NRXN1: variants seen among roughly 807,000 people sequenced by gnomAD.
The protein encoded by NRXN1 is neurexin 1.
In NRXN1, 39 loss-of-function variants were observed where a neutral mutation model predicts 150.9. The ratio of observed to expected loss-of-function variants is 0.26; its 90% CI spans 0.20 to 0.34. NRXN1 has a LOEUF of 0.34. Ranked by LOEUF, NRXN1 falls within the 10% of genes least tolerant of loss-of-function variation. NRXN1 has a pLI of 1.00. For missense variants in NRXN1, 1,815 were observed against 1,949.9 expected (o/e 0.93, Z 1.30); for synonymous variants, 924 against 757.0 (o/e 1.22, Z -3.62).
chr2:50,383,054 T>C (rs1266303419), intron 17 of NRXN1, among the ~76,000 whole-genome samples: 1 of 152,194 alleles, frequency 6.6e-6, no homozygotes, highest in Non-Finnish European at 1.5e-5. Context: ...AGCAACTTGA[T>C]CGTAAATAAT....
intron 18 of NRXN1, among the ~76,000 whole-genome samples, chr2:50,119,525 T>C (rs1431984840): frequency 1.3e-5 from 2 of 149,962 alleles, no homozygotes; most frequent in East Asian, 2.0e-4. Flanking sequence ...AAAACCTTAC[T>C]GTAAACAGGG....
intron 18 of NRXN1, among the ~76,000 whole-genome samples, chr2:50,100,630 T>C (rs189309134): frequency 1.9e-4 from 29 of 152,192 alleles, no homozygotes; most frequent in Non-Finnish European, 2.9e-4. Flanking sequence ...TACAGACATA[T>C]CATCAAGCCT....
At chr2:50,928,294 G>A (rs2104361885) in intron 2 of NRXN1, among the ~76,000 whole-genome samples, 1 of 152,046 alleles carries the variant, frequency 6.6e-6, no homozygotes, top group East Asian at 1.9e-4. Context: ...TGATGATGAA[G>A]ACAACTGGCT....
intron 17 of NRXN1, among the ~76,000 whole-genome samples, chr2:50,313,491 A>C (rs1196549239): frequency 6.6e-6 from 1 of 152,134 alleles, no homozygotes; most frequent in African/African-American, 2.4e-5. Flanking sequence ...TGAGCCCTGA[A>C]GTCATTTACC....
chr2:50,324,346 A>G (rs762598215), intron 17 of NRXN1, among the ~76,000 whole-genome samples: 5 of 152,220 alleles, frequency 3.3e-5, no homozygotes, highest in Non-Finnish European at 7.3e-5. Flanking sequence ...TAATGACCCA[A>G]TAAATGAAGA....
intron 17 of NRXN1, among the ~76,000 whole-genome samples, chr2:50,461,754 A>C (rs966153718): frequency 2.6e-5 from 4 of 152,012 alleles, no homozygotes; most frequent in Non-Finnish European, 5.9e-5. Flanking sequence ...AAGAGGGAAA[A>C]ATAATGTCAA....
At chr2:50,259,041 G>T (rs1356027236) in intron 17 of NRXN1, among the ~76,000 whole-genome samples, 4 of 151,936 alleles carry the variant, frequency 2.6e-5, no homozygotes, top group African/African-American at 9.7e-5. Context: ...AAGGACCCTA[G>T]GATTTTTAGA....
At chr2:50,635,245 C>T (rs1056702414) in intron 5 of NRXN1, among the ~76,000 whole-genome samples, 58 of 152,040 alleles carry the variant, frequency 3.8e-4, no homozygotes, top group Admixed American at 1.4e-3. Context: ...GCAACCTCCA[C>T]CTCCCGGGTT....
At chr2:50,050,122 T>C (rs983396512) in intron 21 of NRXN1, among the ~76,000 whole-genome samples, 1 of 151,260 alleles carries the variant, frequency 6.6e-6, no homozygotes, top group Non-Finnish European at 1.5e-5. Context: ...AAAGTAAACA[T>C]TGGGCTGAAA....
chr2:50,517,303 T>A (rs2092658427), intron 12 of NRXN1, among the ~76,000 whole-genome samples: 1 of 152,154 alleles, frequency 6.6e-6, no homozygotes, highest in Non-Finnish European at 1.5e-5. Context: ...TATCTTCTCC[T>A]CAATGAGTTT....
intron 18 of NRXN1, among the ~76,000 whole-genome samples, chr2:50,213,893 G>A (rs2063206218): frequency 6.6e-6 from 1 of 151,890 alleles, no homozygotes. Flanking sequence ...GCAGCTAAGA[G>A]GAATTCACCA....
chr2:50,106,147 T>A (rs1364038736), intron 18 of NRXN1, among the ~76,000 whole-genome samples: 1 of 151,928 alleles, frequency 6.6e-6, no homozygotes, highest in African/African-American at 2.4e-5. Flanking sequence ...ACTTATAATT[T>A]GTAATTATTT....
intron 8 of NRXN1, among the ~76,000 whole-genome samples, chr2:50,602,776 T>C (rs1160953983): frequency 6.6e-6 from 1 of 152,212 alleles, no homozygotes; most frequent in Non-Finnish European, 1.5e-5. Flanking sequence ...TTGAATCTCA[T>C]CCATCTCTTC....
intron 15 of NRXN1, among the ~76,000 whole-genome samples, chr2:50,491,942 T>A (rs985248980): frequency 3.9e-5 from 6 of 152,278 alleles, no homozygotes; most frequent in Non-Finnish European, 8.8e-5. Flanking sequence ...TCAATTTAAA[T>A]CCCTGGGTAA....
At chr2:50,605,846 A>G (rs1226777308) in intron 8 of NRXN1, among the ~76,000 whole-genome samples, 2 of 152,216 alleles carry the variant, frequency 1.3e-5, no homozygotes, top group Non-Finnish European at 2.9e-5. Context: ...TTGTACTCCT[A>G]TGATCACTGT....
intron 5 of NRXN1, among the ~76,000 whole-genome samples, chr2:50,854,924 A>T (rs1481709923): frequency 2.0e-5 from 3 of 152,066 alleles, no homozygotes; most frequent in Admixed American, 6.6e-5. Flanking sequence ...AAATTTGAGC[A>T]ACAGAAACGG....
At chr2:50,874,204 A>G (rs1678222064) in intron 5 of NRXN1, among the ~76,000 whole-genome samples, 1 of 151,914 alleles carries the variant, frequency 6.6e-6, no homozygotes, top group African/African-American at 2.4e-5. Flanking sequence ...ATCTTGATTT[A>G]GGATTTTCAC....
At chr2:50,372,066 A>G (rs1382367209) in intron 17 of NRXN1, among the ~76,000 whole-genome samples, 1 of 152,046 alleles carries the variant, frequency 6.6e-6, no homozygotes, top group Admixed American at 6.6e-5. Flanking sequence ...GCTTACTCCA[A>G]TGTCTTTCAT....
chr2:50,943,608 T>A (rs1689845964), intron 2 of NRXN1, among the ~76,000 whole-genome samples: 2 of 152,196 alleles, frequency 1.3e-5, no homozygotes, highest in African/African-American at 4.8e-5. Context: ...CATCTAGAAC[T>A]GTGCCCTGGG....
Sources: gnomAD v4.1 joint callset for allele counts (sites outside exome capture counted in the v4.1 genomes callset) on GRCh38, gnomAD v4.1.1 for gene constraint, MANE v1.5 for transcripts, NCBI Gene and HGNC (gene_info 2026-07-23, HGNC 2026-07-21) for gene names.